The following STK32C variants were observed in gnomAD, a reference collection of about 807,000 sequenced individuals.
The protein encoded by STK32C is serine/threonine-protein kinase 32C.
Under a neutral mutation model 56.5 loss-of-function variants are expected in STK32C, and 31 were observed. That is an observed-to-expected ratio of 0.55 (90% CI 0.41 to 0.74). The LOEUF (loss-of-function observed/expected upper bound fraction) is 0.74, where lower values mean the gene tolerates loss of function less well. Among genes scored for constraint, STK32C ranks in the 30% least tolerant of loss-of-function variants. STK32C has a pLI of 0.00. For missense variants in STK32C, 544 were observed against 676.9 expected, an observed-to-expected ratio of 0.80 and a Z score of 2.18; for synonymous variants, 309 against 289.4, an observed-to-expected ratio of 1.07 and a Z score of -0.69.
chr10:132,274,776 C>T (rs557251614), intron 1 of STK32C, among the ~76,000 whole-genome samples: 4 of 152,368 alleles, frequency 2.6e-5, no homozygotes, highest in East Asian at 3.9e-4. Context: ...CCTCGGCAGT[C>T]GGCCACCTCC....
intron 1 of STK32C, among the ~76,000 whole-genome samples, chr10:132,253,328 G>C (rs2063973003): frequency 6.6e-6 from 1 of 152,162 alleles, no homozygotes; most frequent in South Asian, 2.1e-4. Context: ...GGAGGGAGCA[G>C]AGGGAGCTGG....
intron 10 of STK32C, among the ~76,000 whole-genome samples, chr10:132,215,185 A>T (rs979581051): frequency 4.6e-5 from 7 of 151,390 alleles, no homozygotes; most frequent in African/African-American, 1.7e-4. Context: ...CACCCAGATA[A>T]TTTTTTTTTG....
chr10:132,222,782 G>T lies in STK32C; in HGVS notation c.1120-10C>A. 1 of 1,596,486 alleles carries T rather than the reference G, an allele frequency of 6.3e-7. No homozygotes were observed. Among genetic ancestry groups the T allele is most frequent in the South Asian group, 1.1e-5 (1 of 88,604 alleles). On this transcript the variant is annotated splice_polypyrimidine_tract_variant and intron_variant, in intron 9 of 11. Transcript: ENST00000298630. Reference sequence around the variant, plus strand: ...AGTGCAGACGGCCTTTCTACAGAGGGATGGGTGCTGAGCCCCGGCCCGTGG... The same window carrying T: ...AGTGCAGACGGCCTTTCTACAGAGGTATGGGTGCTGAGCCCCGGCCCGTGG...
chr10:132,249,876 C>A lies in STK32C; in HGVS notation c.263-3921G>T, dbSNP rs371736594. ...CCTCCCATGACCACCGGCCCTGCCCCACGCAAGCCCAGGCTCAGCCCCATT... is the reference window on the plus strand; with the variant it reads ...CCTCCCATGACCACCGGCCCTGCCCAACGCAAGCCCAGGCTCAGCCCCATT... On this transcript the variant is annotated intron_variant, in intron 1 of 11. Transcript: ENST00000298630. 2.1e-4 allele frequency among the ~76,000 whole-genome samples: 32 copies of A among 152,368 alleles called. No individual in the cohort carries two copies. In the East Asian group the frequency reaches 2.1e-3, roughly 10 times the overall value.
At chr10:132,321,937 C>T (rs2066416390), downstream of STK32C, among the ~76,000 whole-genome samples, 1 of 152,138 alleles carries the variant, frequency 6.6e-6, no homozygotes, top group South Asian at 2.1e-4. Flanking sequence ...CTACTGGAGT[C>T]CAAAGGGGGA....
intron 10 of STK32C, among the ~76,000 whole-genome samples, chr10:132,211,529 C>T (rs1044154759): frequency 1.3e-5 from 2 of 152,242 alleles, no homozygotes; most frequent in African/African-American, 4.8e-5. Flanking sequence ...GCTGTGTCAC[C>T]TAGATGTGTG....
intron 8 of STK32C, among the ~76,000 whole-genome samples, chr10:132,223,451 C>T (rs1393034727): frequency 2.6e-5 from 4 of 152,346 alleles, no homozygotes; most frequent in Non-Finnish European, 5.9e-5. Flanking sequence ...TGGCACCTCC[C>T]GCCTTTCCAG....
chr10:132,304,015 G>GCTC (rs1452372937), intron 1 of STK32C, among the ~76,000 whole-genome samples: 1 of 152,234 alleles, frequency 6.6e-6, no homozygotes, highest in African/African-American at 2.4e-5. Flanking sequence ...CTCAGAGAGG[G>GCTC]ACCAATTGAG....
rs2064091378 is a variant in STK32C, at chr10:132,255,619, G to C, written c.263-9664C>G. On this transcript the variant is annotated intron_variant, in intron 1 of 11. Coordinates refer to ENST00000298630, the MANE Select transcript of STK32C (RefSeq NM_173575.4). This position sits in a 1 kb window ranked among gnomAD's most constrained non-coding sequence, Gnocchi z 4.6. ...AGCAGCACCCAGGAGAGGAGCAGGG[G>C]GCCCTGCAGGAAGCAGGTCCCTCAA... 6.6e-6 allele frequency among the ~76,000 whole-genome samples: 1 copy of C among 152,168 alleles called. No individual in the cohort carries two copies.
intron 1 of STK32C, among the ~76,000 whole-genome samples, chr10:132,259,521 C>T (rs779935720): frequency 1.3e-5 from 2 of 152,074 alleles, no homozygotes; most frequent in African/African-American, 2.4e-5. Flanking sequence ...TTGCTGTTCT[C>T]GTGATAGTGA....
At chr10:132,224,672 G>A (rs1211892247) in intron 7 of STK32C, 149 bp from the exon 8 acceptor site, 53 of 653,990 alleles carry the variant, frequency 8.1e-5, no homozygotes, top group South Asian at 2.4e-4. Flanking sequence ...GCCTCCACCT[G>A]CCGCGGAGGA....
At chr10:132,282,739 TG>T (rs1229643259) in intron 1 of STK32C, among the ~76,000 whole-genome samples, 9 of 152,276 alleles carry the variant, frequency 5.9e-5, no homozygotes, top group Admixed American at 1.3e-4. Flanking sequence ...CTGAGTAGGC[TG>T]GGGCCACCAG....
intron 1 of STK32C, among the ~76,000 whole-genome samples, chr10:132,298,763 A>G (rs2065831204): frequency 6.6e-6 from 1 of 152,050 alleles, no homozygotes; most frequent in South Asian, 2.1e-4. Flanking sequence ...TTTGCAAGGA[A>G]CAGAGGCCTC....
chr10:132,247,480 C>T (rs188158080), intron 1 of STK32C, among the ~76,000 whole-genome samples: 1 of 152,274 alleles, frequency 6.6e-6, no homozygotes, highest in Non-Finnish European at 1.5e-5. Flanking sequence ...GGGCTCCGAG[C>T]ACAGGGCAGA....
intron 1 of STK32C, among the ~76,000 whole-genome samples, chr10:132,272,548 C>G (rs2064862401): frequency 6.6e-6 from 1 of 152,238 alleles, no homozygotes; most frequent in African/African-American, 2.4e-5. Context: ...CGACTCCTCT[C>G]TGTCTCACAC....
At chr10:132,234,514 GCTTT>G (rs2063209036) in intron 2 of STK32C, among the ~76,000 whole-genome samples, 1 of 152,208 alleles carries the variant, frequency 6.6e-6, no homozygotes, top group Admixed American at 6.5e-5. Flanking sequence ...CACTCAGAGA[GCTTT>G]CTCTCACCTG....
chr10:132,323,207 AT>A (rs1162240216), downstream of STK32C, among the ~76,000 whole-genome samples: 1 of 152,066 alleles, frequency 6.6e-6, no homozygotes, highest in South Asian at 2.1e-4. This position sits in a 1 kb window ranked among gnomAD's most constrained non-coding sequence, Gnocchi z 4.8. Flanking sequence ...TTACCATGTA[AT>A]TTTCCACCAA....
At chr10:132,233,970 T>C (rs1388193904) in intron 2 of STK32C, among the ~76,000 whole-genome samples, 1 of 152,224 alleles carries the variant, frequency 6.6e-6, no homozygotes, top group Non-Finnish European at 1.5e-5. Context: ...TCCTCGCCAC[T>C]GTGGAACTAC....
intron 8 of STK32C, among the ~76,000 whole-genome samples, chr10:132,223,825 C>T (rs781334309): frequency 1.5e-4 from 23 of 152,316 alleles, no homozygotes; most frequent in East Asian, 7.7e-4. Context: ...GGTGTTAATG[C>T]GAGGCTCGGA....
Sources: allele counts gnomAD v4.1 joint callset (sites outside exome capture counted in the v4.1 genomes callset), GRCh38; gene constraint gnomAD v4.1.1; non-coding constraint Gnocchi (gnomAD v3.1); transcripts MANE v1.5; gene names NCBI Gene and HGNC (gene_info 2026-07-23, HGNC 2026-07-21).